Variants in DPEP1 observed in about 807,000 individuals in gnomAD.
DPEP1 encodes beta-lactamase.
Under a neutral mutation model 42.3 loss-of-function variants are expected in DPEP1, and 50 were observed. That is an observed-to-expected ratio of 1.18 (90% CI 0.94 to 1.50). The LOEUF (loss-of-function observed/expected upper bound fraction) is 1.50, where lower values mean the gene tolerates loss of function less well. Among genes scored for constraint, DPEP1 ranks in the 40% most tolerant of loss-of-function variants. DPEP1 has a pLI of 0.00. For missense variants in DPEP1, 663 were observed against 553.0 expected, an observed-to-expected ratio of 1.20 and a Z score of -1.99; for synonymous variants, 297 against 234.0, an observed-to-expected ratio of 1.27 and a Z score of -2.46.
At chr16:89,636,473 G>A (rs2059680636) in intron 4 of DPEP1, 60 bp from the exon 5 acceptor site, 6 of 1,598,038 alleles carry the variant, frequency 3.8e-6, no homozygotes, top group Non-Finnish European at 4.3e-6. Context: ...GTGCCGGTCA[G>A]GACACCTCAC....
chr16:89,636,483 C>T (rs1228544966), intron 4 of DPEP1, 50 bp from the exon 5 acceptor site: 3 of 1,599,752 alleles, frequency 1.9e-6, no homozygotes, highest in Non-Finnish European at 2.6e-6. Context: ...GGACACCTCA[C>T]CCTCCAGATA....
At chr16:89,636,985 C>A (rs771246850) in intron 6 of DPEP1, 50 bp downstream of exon 6, 1 of 1,604,800 alleles carries the variant, frequency 6.2e-7, no homozygotes, top group Admixed American at 1.7e-5. Flanking sequence ...GGCAGAGGCC[C>A]TGGAGGGTGA....
In DPEP1 at chr16:89,636,953, G is replaced by A. The variant is rs200228671; in HGVS notation, c.591+18G>A. On this transcript the variant is annotated intron_variant, in intron 6 of 10. Coordinates refer to ENST00000690203, the MANE Select transcript of DPEP1 (RefSeq NM_001389466.1). ...TTGGGCAGGTGAGTGGGGTGGGAGC[G>A]GCCAGTCACCCCCGAGGAGAAGGCA... 150 of 1,611,364 alleles carry A rather than the reference G, an allele frequency of 9.3e-5. No individual in the cohort carries two copies. Among genetic ancestry groups the A allele is most frequent in the Admixed American group, 1.3e-4 (8 of 59,946 alleles).
In DPEP1 at chr16:89,637,885, G is replaced by A; in HGVS notation, c.979G>A (p.Glu327Lys). 6.2e-7 allele frequency: 1 copy of A among 1,612,730 alleles called. No homozygotes were observed. The highest frequency in any genetic ancestry group is 1.7e-4 in the Middle Eastern group (1 of 6,058). ...CTCCAAGTATCCAGACCTGATCGCT[G>A]AGCTGCTCAGGAGGAACTGGACGGA... ...DVSKYPDLIA[E>K]LLRRNWTEAE... Residue 327 changes from glutamate to lysine, a missense_variant, in exon 10 of 11, where the codon GAG becomes AAG. Glu to Lys is a moderately conservative substitution (Grantham distance 56). Transcript: ENST00000690203.
chr16:89,616,777 A>G (rs963904451), intron 1 of DPEP1: 35 of 274,548 alleles, frequency 1.3e-4, no homozygotes, highest in Middle Eastern at 1.5e-3. Flanking sequence ...AGCGGCCAGG[A>G]AGCAGGCAGG....
At chr16:89,631,919 A>T (rs979947603) in intron 2 of DPEP1, among the ~76,000 whole-genome samples, 4 of 152,128 alleles carry the variant, frequency 2.6e-5, no homozygotes, top group Non-Finnish European at 1.5e-5. Flanking sequence ...TGGTCCCTGC[A>T]TCCTCATGGT....
intron 1 of DPEP1, among the ~76,000 whole-genome samples, chr16:89,618,121 T>G (rs900160836): frequency 6.6e-6 from 1 of 152,234 alleles, no homozygotes; most frequent in African/African-American, 2.4e-5. Flanking sequence ...TATCTTCATA[T>G]TGTGTAATAC....
chr16:89,636,916 G>A lies in DPEP1; in HGVS notation c.572G>A (p.Gly191Asp). The A allele has an allele frequency of 6.2e-7, 1 of 1,612,512 alleles. No homozygotes were observed. The change falls in exon 6 of 11, where the codon GGC (glycine) becomes GAC (aspartate). Residue 191 changes from glycine to aspartate, a missense_variant. By Grantham distance (94) the Gly-to-Asp change is moderately conservative. Coordinates refer to ENST00000690203, the MANE Select transcript of DPEP1 (RefSeq NM_001389466.1). ...GGAGACAGCGAGCCCCAGAGCCAAG[G>A]CTTGTCACCCTTTGGGCAGGTGAGT... is the stretch of plus-strand genomic sequence containing the variant. The part of the protein sequence containing the change: ...DTGDSEPQSQ[G>D]LSPFGQRVVK...
Position 89,638,175 on chromosome 16 carries a change from C to G in DPEP1, c.1189C>G (p.Leu397Val), listed in dbSNP as rs754355456. 3.7e-6 allele frequency: 6 copies of G among 1,602,636 alleles called. No homozygotes were observed. The highest frequency in any genetic ancestry group is 4.3e-6 in the Non-Finnish European group (5 of 1,173,240). Residue 397 changes from leucine to valine, a missense_variant, in exon 11 of 11, where the codon CTG (leucine) becomes GTG (valine). By Grantham distance (32) the Leu-to-Val change is conservative (BLOSUM62 1). Transcript: ENST00000690203. ...CAGCCTCCATCGCCACTGGGGGCTCCTGCTGGCCTCCCTCGCTCCCCTGGT... is the reference window on the plus strand; with the variant it reads ...CAGCCTCCATCGCCACTGGGGGCTCGTGCTGGCCTCCCTCGCTCCCCTGGT... ...ASSLHRHWGL[L>V]LASLAPLVLC...
chr16:89,635,803 G>C lies in DPEP1; in HGVS notation c.105-105G>C, dbSNP rs961736147. The C allele has an allele frequency of 7.0e-6, 10 of 1,424,364 alleles. 1 individual carries two copies. In the South Asian group the frequency reaches 1.3e-4, roughly 18 times the overall value. The allele number at this position is 1,424,364 out of a possible 1,614,324, so 88.2% of individuals were successfully genotyped here. The stretch of plus-strand genomic sequence containing the variant: ...CCTAGACTTCAGTCCTGCGTCTGTC[G>C]TGAGGAGTAGGAAGTGGGGAGAGCA... On this transcript the variant is annotated intron_variant, in intron 2 of 10. Transcript: ENST00000690203.
chr16:89,635,391 A>G (rs1196920931), intron 2 of DPEP1, among the ~76,000 whole-genome samples: 2 of 152,172 alleles, frequency 1.3e-5, no homozygotes, highest in Admixed American at 6.6e-5. Flanking sequence ...TAGCCCCCAA[A>G]GCCTGTACTC....
chr16:89,614,820 C>T (rs1246989279), intron 1 of DPEP1, among the ~76,000 whole-genome samples: 1 of 152,030 alleles, frequency 6.6e-6, no homozygotes, highest in Non-Finnish European at 1.5e-5. Flanking sequence ...AAAATCTTCT[C>T]CCCGGGTAGG....
At chr16:89,631,883 G>A (rs2059593857) in intron 2 of DPEP1, among the ~76,000 whole-genome samples, 1 of 152,048 alleles carries the variant, frequency 6.6e-6, no homozygotes, top group Non-Finnish European at 1.5e-5. Flanking sequence ...AGAGAGCAGA[G>A]GCAGCTGCAG....
At chr16:89,639,100 C>A (rs1207828362), downstream of DPEP1, among the ~76,000 whole-genome samples, 1 of 26,640 alleles carries the variant, frequency 3.8e-5, no homozygotes, top group Admixed American at 3.2e-4. Flanking sequence ...CACACACACA[C>A]CCCCACCCCT....
Position 89,635,905 on chromosome 16 carries a change from C to T in DPEP1, c.105-3C>T, listed in dbSNP as rs757455805. 1 of 1,595,872 alleles carries T rather than the reference C, an allele frequency of 6.3e-7. No individual in the cohort carries two copies. The highest frequency in any genetic ancestry group is 1.1e-5 in the South Asian group (1 of 88,466). On this transcript the variant is annotated splice_region_variant and splice_polypyrimidine_tract_variant and intron_variant, in intron 2 of 10. Transcript: ENST00000690203. The stretch of plus-strand genomic sequence containing the variant: ...TGCCTGGCCTCTCCCCGGCAAACTC[C>T]AGGCACAATGACCTCCCCTGGCAGC...
chr16:89,617,367 G>T (rs2059388710), intron 1 of DPEP1, among the ~76,000 whole-genome samples: 1 of 152,134 alleles, frequency 6.6e-6, no homozygotes, highest in African/African-American at 2.4e-5. Flanking sequence ...GAGGCCACAG[G>T]AGCTCCCTCA....
At chr16:89,631,429 C>A (rs932996237) in intron 2 of DPEP1, among the ~76,000 whole-genome samples, 1 of 152,188 alleles carries the variant, frequency 6.6e-6, no homozygotes, top group African/African-American at 2.4e-5. Flanking sequence ...ACTGGCTCCG[C>A]GTTGGGGTGG....
downstream of DPEP1, chr16:89,640,672 G>C (rs1325634799): frequency 1.0e-6 from 1 of 981,066 alleles, no homozygotes; most frequent in African/African-American, 1.8e-5. Flanking sequence ...TTTTCCGTCT[G>C]GGATTGGAGA....
At chr16:89,614,007 C>T (rs374379641) in intron 1 of DPEP1, among the ~76,000 whole-genome samples, 13 of 147,858 alleles carry the variant, frequency 8.8e-5, no homozygotes, top group South Asian at 2.2e-4. Context: ...GGGCAGGGGA[C>T]GCGGCTGCTT....
Sources: gnomAD v4.1 joint callset for allele counts (sites outside exome capture counted in the v4.1 genomes callset) on GRCh38, gnomAD v4.1.1 for gene constraint, MANE v1.5 for transcripts, NCBI Gene and HGNC (gene_info 2026-07-23, HGNC 2026-07-21) for gene names.